The following SLC4A4 variants were observed in gnomAD, a reference collection of about 807,000 sequenced individuals.
SLC4A4 encodes the protein electrogenic sodium bicarbonate cotransporter 1.
Under a neutral mutation model 111.5 loss-of-function variants are expected in SLC4A4, and 27 were observed. The ratio of observed to expected loss-of-function variants is 0.24; its 90% CI spans 0.18 to 0.33. The LOEUF (loss-of-function observed/expected upper bound fraction) is 0.33, where lower values mean the gene tolerates loss of function less well. Ranked by LOEUF, SLC4A4 falls within the 10% of genes least tolerant of loss-of-function variation. The pLI is 1.00. For missense variants in SLC4A4, 909 were observed against 1,315.5 expected (o/e 0.69, Z 4.78); for synonymous variants, 443 against 463.4 (o/e 0.96, Z 0.57).
chr4:71,288,908 T>C (rs12640827), intron 3 of SLC4A4, among the ~76,000 whole-genome samples: 11,437 of 152,250 alleles, frequency 0.075, 778 homozygotes, highest in Admixed American at 0.21. Context: ...TTTTGTATGA[T>C]TGGAATCAAA....
At chr4:71,089,133 C>T (rs1742294802) in intron 1 of SLC4A4, among the ~76,000 whole-genome samples, 1 of 150,874 alleles carries the variant, frequency 6.6e-6, no homozygotes, top group East Asian at 2.0e-4. Flanking sequence ...AAACTTCTCA[C>T]TTCATTTCAT....
intron 2 of SLC4A4, among the ~76,000 whole-genome samples, chr4:71,113,332 C>G (rs1474845585): frequency 6.6e-6 from 1 of 152,166 alleles, no homozygotes; most frequent in Non-Finnish European, 1.5e-5. Flanking sequence ...CCTGAAAAAT[C>G]CTCTGGGAAA....
intron 7 of SLC4A4, among the ~76,000 whole-genome samples, chr4:71,435,780 A>C (rs1033267803): frequency 3.9e-5 from 6 of 152,262 alleles, no homozygotes; most frequent in African/African-American, 1.2e-4. Context: ...AAAAGAAGAC[A>C]TTTATGCGGC....
At chr4:71,380,265 C>G (rs546680171) in intron 6 of SLC4A4, among the ~76,000 whole-genome samples, 1 of 152,174 alleles carries the variant, frequency 6.6e-6, no homozygotes, top group Non-Finnish European at 1.5e-5. Context: ...TATGACTACT[C>G]CAGCTATCAT....
chr4:71,189,741 G>A (rs1292469770), intron 1 of SLC4A4, among the ~76,000 whole-genome samples: 2 of 152,166 alleles, frequency 1.3e-5, no homozygotes, highest in Non-Finnish European at 2.9e-5. Context: ...GAGGAGAAGC[G>A]TCCTGAGAGA....
intron 3 of SLC4A4, among the ~76,000 whole-genome samples, chr4:71,303,393 C>G (rs79505089): frequency 0.013 from 2,017 of 152,308 alleles, 46 homozygotes; most frequent in African/African-American, 0.046. Context: ...ATCCCTGTCT[C>G]TCTGTCAAGA....
intron 3 of SLC4A4, among the ~76,000 whole-genome samples, chr4:71,277,339 A>G (rs2149087421): frequency 6.6e-6 from 1 of 152,152 alleles, no homozygotes; most frequent in Non-Finnish European, 1.5e-5. Context: ...AGCTGTTCTG[A>G]TAGTTGTATA....
intron 16 of SLC4A4, among the ~76,000 whole-genome samples, chr4:71,530,080 T>C (rs1733780868): frequency 6.6e-6 from 1 of 152,164 alleles, no homozygotes; most frequent in Non-Finnish European, 1.5e-5. Context: ...TTTTTTGCTG[T>C]GACTCCAGAT....
chr4:71,321,092 A>G (rs1300123674), intron 3 of SLC4A4, among the ~76,000 whole-genome samples: 1 of 152,034 alleles, frequency 6.6e-6, no homozygotes, highest in African/African-American at 2.4e-5. Flanking sequence ...TGTAGAATGC[A>G]TAAGTTTATT....
intron 3 of SLC4A4, among the ~76,000 whole-genome samples, chr4:71,312,188 C>T (rs1165442886): frequency 1.3e-5 from 2 of 152,142 alleles, no homozygotes. Context: ...GGATAAATTC[C>T]TGGACATGTA....
chr4:71,107,215 C>T (rs1311324394), intron 2 of SLC4A4, among the ~76,000 whole-genome samples: 1 of 152,064 alleles, frequency 6.6e-6, no homozygotes, highest in Non-Finnish European at 1.5e-5. Flanking sequence ...GGAATTTAAT[C>T]CATTTATATT....
rs537800104 is a variant in SLC4A4 at position 71,080,946 on chromosome 4, G to T, written c.-64-11784G>T. Among the ~76,000 whole-genome samples, 3 of 152,204 alleles carry T rather than the reference G, an allele frequency of 2.0e-5. 1 individual carries two copies. The highest frequency in any genetic ancestry group is 7.2e-5 in the African/African-American group (3 of 41,464). On this transcript the variant is annotated intron_variant, in intron 1 of 26. Coordinates refer to the SLC4A4 transcript ENST00000649996. ...ATACATAAGTGGAAATATTTAATCA[G>T]CTGCAGTTTCTTCCTCCACATATCC... is the stretch of plus-strand genomic sequence containing the variant.
intron 3 of SLC4A4, among the ~76,000 whole-genome samples, chr4:71,295,077 A>C (rs1375508569): frequency 6.6e-6 from 1 of 152,152 alleles, no homozygotes; most frequent in Non-Finnish European, 1.5e-5. Flanking sequence ...TGATTGGGGG[A>C]AATTAACAAT....
chr4:71,197,565 G>A (rs1560773979), intron 1 of SLC4A4, among the ~76,000 whole-genome samples: 1 of 152,128 alleles, frequency 6.6e-6, no homozygotes, highest in Non-Finnish European at 1.5e-5. Flanking sequence ...AGTGCAGAGA[G>A]TTTTTCTGTA....
intron 2 of SLC4A4, among the ~76,000 whole-genome samples, chr4:71,165,604 G>T (rs1744722685): frequency 6.6e-6 from 1 of 152,120 alleles, no homozygotes; most frequent in Admixed American, 6.5e-5. Flanking sequence ...ACCTAATGTA[G>T]ATGATGGGTT....
intron 2 of SLC4A4, among the ~76,000 whole-genome samples, chr4:71,147,067 A>G (rs1450401499): frequency 6.6e-6 from 1 of 152,160 alleles, no homozygotes; most frequent in Non-Finnish European, 1.5e-5. Flanking sequence ...ATGGAAAACA[A>G]AAAAAGGCAG....
rs1553957345 is a variant in SLC4A4, at chr4:71,156,588, G to GCACACA, written c.-2+63817_-2+63822dup. ...TGTGCGCGCATGCGCGCGCGCGCGC[G>GCACACA]CACACACACACACACACACACACAC... is the stretch of plus-strand genomic sequence containing the variant. On this transcript the variant is annotated intron_variant, in intron 2 of 26. Transcript: ENST00000649996. Among the ~76,000 whole-genome samples the GCACACA allele has an allele frequency of 1.2e-3, 173 of 138,554 alleles. 3 individuals are homozygous for GCACACA. The highest frequency in any genetic ancestry group is 4.6e-3 in the African/African-American group (168 of 36,622). The allele number at this position is 138,554 out of a possible 152,430, so 90.9% of individuals were successfully genotyped here.
chr4:71,168,081 T>C (rs1409301648), intron 2 of SLC4A4, among the ~76,000 whole-genome samples: 1 of 151,998 alleles, frequency 6.6e-6, no homozygotes, highest in East Asian at 1.9e-4. Context: ...AATATTTTGA[T>C]ATAGGCATGC....
intron 2 of SLC4A4, among the ~76,000 whole-genome samples, chr4:71,145,161 G>C (rs972233955): frequency 1.3e-5 from 2 of 152,028 alleles, no homozygotes; most frequent in African/African-American, 4.8e-5. Context: ...GCATGAAGGG[G>C]TGTTGAATTT....
Sources: allele counts gnomAD v4.1 joint callset (sites outside exome capture counted in the v4.1 genomes callset), GRCh38; gene constraint gnomAD v4.1.1; transcripts MANE v1.5; gene names NCBI Gene and HGNC (gene_info 2026-07-23, HGNC 2026-07-21).